The following ADGB variants were observed in gnomAD, a reference collection of about 807,000 sequenced individuals.
ADGB encodes the protein calpain-7-like protein.
A neutral mutation model predicts 210.5 loss-of-function variants in ADGB; 172 were observed. That is an observed-to-expected ratio of 0.82 (90% CI 0.72 to 0.93). The LOEUF is 0.93. Among genes scored for constraint, ADGB ranks in the 40% least tolerant of loss-of-function variants. The pLI is 0.00. For synonymous variants in ADGB, 658 were observed against 662.7 expected, an observed-to-expected ratio of 0.99 and a Z score of 0.11; for missense variants, 2,025 against 1,964.8, an observed-to-expected ratio of 1.03 and a Z score of -0.58.
chr6:146,717,475 A>G, intron 15 of ADGB, 61 bp from the exon 16 acceptor site: 1 of 876,208 alleles, frequency 1.1e-6, no homozygotes, highest in Non-Finnish European at 1.7e-6. Context: ...AAGAAACTTA[A>G]CATGTAGTAC....
At chr6:146,776,987 T>C (rs1338587228) in intron 29 of ADGB, among the ~76,000 whole-genome samples, 1 of 151,990 alleles carries the variant, frequency 6.6e-6, no homozygotes, top group Non-Finnish European at 1.5e-5. Flanking sequence ...GCAAGACTTC[T>C]GAGCAGCTGA....
At chr6:146,768,300 TG>T (rs1285563116) in intron 28 of ADGB, among the ~76,000 whole-genome samples, 2 of 152,264 alleles carry the variant, frequency 1.3e-5, no homozygotes, top group East Asian at 3.9e-4. Context: ...TAACGGAACT[TG>T]GGGAAAAAAG....
In ADGB at chr6:146,598,978, G is replaced by C. The variant is rs1189982171; in HGVS notation, c.-63G>C. On this transcript the variant is annotated 5_prime_UTR_variant, in exon 1 of 36. Coordinates refer to ENST00000397944, the MANE Select transcript of ADGB (RefSeq NM_024694.4). ...CGCCGTCTCCTGGCAACGCAGACGCGGAGCCGAGCGCGCCCGCAGGCTCTT... is the reference window on the plus strand; with the variant it reads ...CGCCGTCTCCTGGCAACGCAGACGCCGAGCCGAGCGCGCCCGCAGGCTCTT... 1 of 1,450,454 alleles carries C rather than the reference G, an allele frequency of 6.9e-7. No individual in the cohort carries two copies. Among genetic ancestry groups the C allele is most frequent in the African/African-American group, 1.4e-5 (1 of 70,698 alleles). The allele number at this position is 1,450,454 out of a possible 1,614,324, so 89.8% of individuals were successfully genotyped here. A position where few individuals can be genotyped will look rare whatever the true frequency, so the allele number is the denominator to read the frequency against.
At chr6:146,773,820 A>G (rs777162985) in intron 29 of ADGB, among the ~76,000 whole-genome samples, 2 of 152,202 alleles carry the variant, frequency 1.3e-5, no homozygotes, top group African/African-American at 2.4e-5. Flanking sequence ...TATTGATGGT[A>G]CTGGTAGTAA....
Position 146,740,603 on chromosome 6 carries a change from T to C in ADGB, c.3023+10T>C, listed in dbSNP as rs1777151343. On this transcript the variant is annotated intron_variant, in intron 24 of 35. Coordinates refer to ENST00000397944, the MANE Select transcript of ADGB (RefSeq NM_024694.4). ...GGTTTATAGTATTCAGGTGAGGTTG[T>C]TATATAGTGACAAATATGTCTCTAA... 6.5e-7 allele frequency: 1 copy of C among 1,548,482 alleles called. No individual in the cohort carries two copies. Among genetic ancestry groups the C allele is most frequent in the Non-Finnish European group, 8.7e-7 (1 of 1,145,888 alleles).
chr6:146,654,018 G>A, intron 3 of ADGB, 117 bp from the exon 4 acceptor site: 2 of 533,508 alleles, frequency 3.7e-6, no homozygotes, highest in Non-Finnish European at 6.5e-6. Context: ...GCCAAGGTCT[G>A]ATTGCAAAAA....
Position 146,647,115 on chromosome 6 carries a change from A to AAAAAAAAAAAAAAC in ADGB, c.330+2253_330+2254insAAAAAAAAAACAAA, listed in dbSNP as rs1562263814. ...AAAAAAAACAAAAAACAAAAAACAA[A>AAAAAAAAAAAAAAC]AAACAAACAAACAAACAAAAACACA... On this transcript the variant is annotated intron_variant, in intron 3 of 35. Transcript: ENST00000397944. 1.5e-4 allele frequency among the ~76,000 whole-genome samples: 22 copies of AAAAAAAAAAAAAAC among 147,924 alleles called. 1 individual carries two copies. The highest frequency in any genetic ancestry group is 5.4e-4 in the African/African-American group (21 of 38,932).
rs1244507802 is a variant in ADGB, at chr6:146,691,081, G to C, written c.1312-35G>C. The C allele has an allele frequency of 5.4e-6, 8 of 1,481,900 alleles. No individual in the cohort carries two copies. In the South Asian group the frequency reaches 1.1e-4, roughly 20 times the overall value. The allele number at this position is 1,481,900 out of a possible 1,614,324, so 91.8% of individuals were successfully genotyped here. ...TGGAAAAAGCATTGTTTTGAATGAA[G>C]GAGAATGCTTTTCAATTTACTTTCC... On this transcript the variant is annotated intron_variant, in intron 10 of 35. Coordinates refer to ENST00000397944, the MANE Select transcript of ADGB (RefSeq NM_024694.4).
Position 146,801,260 on chromosome 6 carries a change from G to T in ADGB, c.4615G>T (p.Asp1539Tyr), listed in dbSNP as rs1778127274. ...RLIRKALEFM[D>Y]LSQYVRKTDT... ...TATTCGAAAAGCACTAGAATTTATG[G>T]ATTTAAGTCAATATGTTCGGTAAGT... The change falls in exon 34 of 36, where the codon GAT becomes TAT. Residue 1539 changes from aspartate (D) to tyrosine (Y), a missense_variant. Physicochemically the swap from Asp to Tyr is radical, Grantham distance 160 (BLOSUM62 -3). Coordinates refer to ENST00000397944, the MANE Select transcript of ADGB (RefSeq NM_024694.4). 1 of 1,500,048 alleles carries T rather than the reference G, an allele frequency of 6.7e-7. No individual in the cohort carries two copies. Among genetic ancestry groups the T allele is most frequent in the African/African-American group, 1.4e-5 (1 of 70,200 alleles). The allele number at this position is 1,500,048 out of a possible 1,614,324, so 92.9% of individuals were successfully genotyped here.
At chr6:146,794,358 G>A (rs1016812409) in intron 33 of ADGB, among the ~76,000 whole-genome samples, 8 of 152,126 alleles carry the variant, frequency 5.3e-5, no homozygotes, top group Non-Finnish European at 1.2e-4. Context: ...GGAAAGGGGT[G>A]TTGGGAGCAA....
intron 19 of ADGB, among the ~76,000 whole-genome samples, chr6:146,727,015 C>T (rs756614388): frequency 3.9e-5 from 6 of 151,908 alleles, no homozygotes; most frequent in Non-Finnish European, 7.4e-5. Flanking sequence ...TCTGTTCTGA[C>T]GGGGTCTGAA....
chr6:146,812,462 G>C, intron 35 of ADGB, among the ~76,000 whole-genome samples: 1 of 152,248 alleles, frequency 6.6e-6, no homozygotes, highest in Non-Finnish European at 1.5e-5. Flanking sequence ...AGGGGGGAAG[G>C]CATGTAGGAA....
chr6:146,762,261 G>C (rs1160275095), intron 27 of ADGB, among the ~76,000 whole-genome samples: 1 of 151,956 alleles, frequency 6.6e-6, no homozygotes, highest in Non-Finnish European at 1.5e-5. Context: ...TCTATTGCTT[G>C]TATTCAAGTT....
chr6:146,691,261 A>AT lies in ADGB; in HGVS notation c.1457_1458insT (p.Lys486AsnfsTer8). The AT allele has an allele frequency of 6.5e-7, 1 of 1,547,936 alleles. No homozygotes were observed. On this transcript the variant is annotated frameshift_variant, in exon 11 of 36. Transcript: ENST00000397944. LOFTEE classifies it high-confidence loss of function. ...CCCTGGAAACTCATTCGTCAAAAAAAGGAAACTGTTATAACAGATGAAGCT... is the reference window on the plus strand; with the variant it reads ...CCCTGGAAACTCATTCGTCAAAAAAATGGAAACTGTTATAACAGATGAAGCT...
chr6:146,791,756 T>G (rs1777959438), intron 33 of ADGB, among the ~76,000 whole-genome samples: 1 of 151,924 alleles, frequency 6.6e-6, no homozygotes, highest in South Asian at 2.1e-4. Flanking sequence ...TTCCATTTGT[T>G]TTCAGTTTAG....
At chr6:146,694,959 T>TAG (rs1346172731) in intron 12 of ADGB, among the ~76,000 whole-genome samples, 1 of 152,182 alleles carries the variant, frequency 6.6e-6, no homozygotes, top group Non-Finnish European at 1.5e-5. Flanking sequence ...TAGTCAAAAT[T>TAG]TGGGCTAAAT....
chr6:146,650,703 C>A (rs1775689124), intron 3 of ADGB, among the ~76,000 whole-genome samples: 3 of 142,942 alleles, frequency 2.1e-5, no homozygotes, highest in Admixed American at 1.4e-4. Context: ...TTGCTGAATT[C>A]TGACAATCCG....
intron 29 of ADGB, among the ~76,000 whole-genome samples, chr6:146,775,479 G>T (rs948932993): frequency 6.6e-6 from 1 of 152,060 alleles, no homozygotes; most frequent in Non-Finnish European, 1.5e-5. Flanking sequence ...AAAATAGAAG[G>T]CTAGAGAACC....
At chr6:146,629,979 A>G (rs1583565877) in intron 1 of ADGB, among the ~76,000 whole-genome samples, 1 of 152,154 alleles carries the variant, frequency 6.6e-6, no homozygotes, top group Admixed American at 6.6e-5. Context: ...GCTCGTGCCT[A>G]TAATCCCAGC....
Sources: gnomAD v4.1 joint callset for allele counts (sites outside exome capture counted in the v4.1 genomes callset) on GRCh38, gnomAD v4.1.1 for gene constraint, MANE v1.5 for transcripts, NCBI Gene and HGNC (gene_info 2026-07-23, HGNC 2026-07-21) for gene names.